Variants in PCDHGA6 observed in about 807,000 individuals in gnomAD.
PCDHGA6 encodes protocadherin gamma-A6.
PCDHGA6 carries 41 observed loss-of-function variants against 60.6 expected under a neutral mutation model. That is an observed-to-expected ratio of 0.68 (90% CI 0.53 to 0.88). PCDHGA6 has a LOEUF of 0.88. PCDHGA6 is among the 40% of genes least tolerant of loss of function. The probability of loss-of-function intolerance (pLI) is 0.00; values close to 1 mark genes in which losing one functional copy is unlikely to be tolerated. For missense variants in PCDHGA6, 1,312 were observed against 1,203.0 expected, an observed-to-expected ratio of 1.09 and a Z score of -1.34; for synonymous variants, 594 against 524.4, an observed-to-expected ratio of 1.13 and a Z score of -1.81.
chr5:141,455,961 G>C (rs1447678052), intron 1 of PCDHGA6, among the ~76,000 whole-genome samples: 1 of 150,954 alleles, frequency 6.6e-6, no homozygotes, highest in African/African-American at 2.4e-5. Context: ...GCAGTGGCGC[G>C]ATCTCAGCTC....
Position 141,431,464 on chromosome 5 carries a change from G to GA in PCDHGA6, c.2424+54959dup, listed in dbSNP as rs1561852795. 1 of 1,613,782 alleles carries GA rather than the reference G, an allele frequency of 6.2e-7. No homozygotes were observed. Among genetic ancestry groups the GA allele is most frequent in the Non-Finnish European group, 8.5e-7 (1 of 1,179,972 alleles). ...GCATCCGCGTGATGGTTCTGGATGC[G>GA]AACGACAACGCACCAGCGTTTGCTC... On this transcript the variant is annotated intron_variant, in intron 1 of 3. Coordinates refer to ENST00000517434, the MANE Select transcript of PCDHGA6 (RefSeq NM_018919.3). This position sits in a 1 kb window ranked among gnomAD's most constrained non-coding sequence, Gnocchi z 4.8.
rs754747902 is a variant in PCDHGA6 at position 141,417,898 on chromosome 5, G to T, written c.2424+41391G>T. The T allele has an allele frequency of 5.5e-5, 87 of 1,579,262 alleles. 1 individual carries two copies. The South Asian group carries it at 7.8e-4, about 14-fold the overall frequency. The stretch of plus-strand genomic sequence containing the variant: ...GCGCGCAGAGGCGCCGGGCCGGCCC[G>T]CGGCAGGTACTATTTCCTTTGCTGC... On this transcript the variant is annotated intron_variant, in intron 1 of 3. Coordinates refer to ENST00000517434, the MANE Select transcript of PCDHGA6 (RefSeq NM_018919.3).
Position 141,491,300 on chromosome 5 carries a change from G to A in PCDHGA6, c.2425-3507G>A, listed in dbSNP as rs2099710472. On this transcript the variant is annotated intron_variant, in intron 1 of 3. Coordinates refer to ENST00000517434, the MANE Select transcript of PCDHGA6 (RefSeq NM_018919.3). This position sits in a 1 kb window ranked among gnomAD's most constrained non-coding sequence, Gnocchi z 6.9. ...GACTTCCTCATACACCCTCCTGAGC[G>A]TTCAGACCTTACCCTTTACCTCATT... 1 of 1,614,136 alleles carries A rather than the reference G, an allele frequency of 6.2e-7. No homozygotes were observed. The highest frequency in any genetic ancestry group is 1.1e-5 in the South Asian group (1 of 91,086).
At chr5:141,431,000 A>G (rs1272572092) in intron 1 of PCDHGA6, 4 of 1,613,898 alleles carry the variant, frequency 2.5e-6, no homozygotes, top group African/African-American at 1.3e-5. Flanking sequence ...GAATCCGCGC[A>G]GCGGCAGCTT....
chr5:141,485,619 G>A lies in PCDHGA6; in HGVS notation c.2425-9188G>A. On this transcript the variant is annotated intron_variant, in intron 1 of 3. Coordinates refer to ENST00000517434, the MANE Select transcript of PCDHGA6 (RefSeq NM_018919.3). This position sits in a 1 kb window ranked among gnomAD's most constrained non-coding sequence, Gnocchi z 5.7. ...GAAATTGGGGAGGCAGCTCCTCCAG[G>A]ACAGCGTTTCCCGTTGGAAAAGGCT... 3 of 1,612,234 alleles carry A rather than the reference G, an allele frequency of 1.9e-6. No homozygotes were observed. The highest frequency in any genetic ancestry group is 2.5e-6 in the Non-Finnish European group (3 of 1,178,678).
chr5:141,394,208 C>T (rs972602841), intron 1 of PCDHGA6: 2 of 1,613,814 alleles, frequency 1.2e-6, no homozygotes, highest in African/African-American at 1.3e-5. Context: ...TAGAGAACAA[C>T]CTGAGAGGAG....
chr5:141,492,919 C>A (rs1019663003), intron 1 of PCDHGA6, among the ~76,000 whole-genome samples: 1 of 152,192 alleles, frequency 6.6e-6, no homozygotes, highest in Non-Finnish European at 1.5e-5. Context: ...ATGTGCCCAG[C>A]GATCTAGGGT....
At chr5:141,385,042 A>C (rs1308417984) in intron 1 of PCDHGA6, 1 of 1,614,150 alleles carries the variant, frequency 6.2e-7, no homozygotes, top group Non-Finnish European at 8.5e-7. Flanking sequence ...GCTGGCGCTC[A>C]GGCTGCGGCG....
intron 1 of PCDHGA6, among the ~76,000 whole-genome samples, chr5:141,494,218 T>C (rs1224329242): frequency 1.3e-5 from 2 of 152,222 alleles, no homozygotes; most frequent in South Asian, 2.1e-4. Context: ...CAATCTGGCA[T>C]GACTCCTAAA....
chr5:141,503,024 A>G (rs574653661), intron 2 of PCDHGA6, among the ~76,000 whole-genome samples: 2 of 150,210 alleles, frequency 1.3e-5, no homozygotes, highest in South Asian at 2.1e-4. Context: ...TTTTTTTTTA[A>G]TATCTATTTT....
intron 1 of PCDHGA6, chr5:141,478,165 C>A: frequency 1.2e-6 from 2 of 1,614,038 alleles, no homozygotes; most frequent in Non-Finnish European, 1.7e-6. Context: ...GCTCTGCCCC[C>A]CGGGAGCAGA....
intron 1 of PCDHGA6, chr5:141,408,336 C>T: frequency 6.2e-7 from 1 of 1,613,910 alleles, no homozygotes; most frequent in Non-Finnish European, 8.5e-7. Flanking sequence ...GCCAAGGGCT[C>T]GGTGGTGGGG....
intron 1 of PCDHGA6, chr5:141,385,452 G>A: frequency 6.9e-7 from 1 of 1,446,532 alleles, no homozygotes; most frequent in Non-Finnish European, 9.1e-7. Context: ...GAGTTTACCA[G>A]TTTCCTTCAG....
chr5:141,453,266 A>G (rs1322091044), intron 1 of PCDHGA6, among the ~76,000 whole-genome samples: 4 of 151,838 alleles, frequency 2.6e-5, no homozygotes. Flanking sequence ...AGTGCACACC[A>G]CCATGACTGG....
rs759045688 is a variant in PCDHGA6 at position 141,395,208 on chromosome 5, G to C, written c.2424+18701G>C. 5.6e-6 allele frequency: 9 copies of C among 1,613,352 alleles called. No individual in the cohort carries two copies. In the Admixed American group the frequency reaches 1.5e-4, roughly 27 times the overall value. ...TTTGTTAACATCCGTAGATTTTCAT[G>C]AATATAAGAATGAAGCTGATCATGG... On this transcript the variant is annotated intron_variant, in intron 1 of 3. Coordinates refer to ENST00000517434, the MANE Select transcript of PCDHGA6 (RefSeq NM_018919.3).
chr5:141,385,238 T>C (rs756116390), intron 1 of PCDHGA6: 1 of 1,614,074 alleles, frequency 6.2e-7, no homozygotes, highest in Non-Finnish European at 8.5e-7. Context: ...GACATGCTCA[T>C]CAGCCAGGAG....
At chr5:141,425,391 A>G (rs2096872046) in intron 1 of PCDHGA6, among the ~76,000 whole-genome samples, 1 of 152,238 alleles carries the variant, frequency 6.6e-6, no homozygotes, top group South Asian at 2.1e-4. Flanking sequence ...AGGTAGTGAT[A>G]AAGTTCTGTT....
Position 141,375,902 on chromosome 5 carries a change from C to A in PCDHGA6, c.1819C>A (p.Arg607Ser). ...DSGQNAWLSY[R>S]LLKASEPGLF... The stretch of plus-strand genomic sequence containing the variant: ...GGGCCAGAACGCCTGGCTGTCCTAC[C>A]GCCTGCTCAAGGCCAGCGAGCCAGG... Residue 607 changes from arginine (R) to serine (S), a missense_variant, in exon 1 of 4, where the codon CGC (arginine) becomes AGC (serine). Coordinates refer to ENST00000517434, the MANE Select transcript of PCDHGA6 (RefSeq NM_018919.3). 5 of 1,613,784 alleles carry A rather than the reference C, an allele frequency of 3.1e-6. No individual in the cohort carries two copies. The Admixed American group carries it at 5.0e-5, about 16-fold the overall frequency.
At chr5:141,395,095 C>G in intron 1 of PCDHGA6, 1 of 1,614,174 alleles carries the variant, frequency 6.2e-7, no homozygotes, top group Non-Finnish European at 8.5e-7. Flanking sequence ...TCCCTCACCG[C>G]CGACTCGCGG....
Sources: gnomAD v4.1 joint callset for allele counts (sites outside exome capture counted in the v4.1 genomes callset) on GRCh38, gnomAD v4.1.1 for gene constraint, Gnocchi (gnomAD v3.1) non-coding constraint, MANE v1.5 for transcripts, NCBI Gene and HGNC (gene_info 2026-07-23, HGNC 2026-07-21) for gene names.